FARS2: variants seen among roughly 807,000 people sequenced by gnomAD.
FARS2 encodes the protein phenylalanine--tRNA ligase, mitochondrial.
A neutral mutation model predicts 46.4 loss-of-function variants in FARS2; 40 were observed. The observed-to-expected ratio is 0.86, with a 90% CI of 0.67 to 1.12. FARS2 has a LOEUF of 1.12. Ranked by LOEUF, FARS2 falls within the 50% of genes most tolerant of loss-of-function variation. The pLI, the probability that FARS2 is intolerant of heterozygous loss-of-function variation, is 0.00. For synonymous variants in FARS2, 234 were observed against 214.9 expected (o/e 1.09, Z -0.78); for missense variants, 513 against 567.9 (o/e 0.90, Z 0.98).
intron 6 of FARS2, among the ~76,000 whole-genome samples, chr6:5,712,695 G>A (rs1759253181): frequency 6.6e-6 from 1 of 152,222 alleles, no homozygotes; most frequent in Non-Finnish European, 1.5e-5. Context: ...TTCTGCTGCA[G>A]CACCTGCCTG....
chr6:5,356,570 A>G (rs1757945124), intron 1 of FARS2, among the ~76,000 whole-genome samples: 1 of 152,254 alleles, frequency 6.6e-6, no homozygotes, highest in East Asian at 1.9e-4. Context: ...CAGAGAAAAC[A>G]TGTATGTTAA....
intron 4 of FARS2, among the ~76,000 whole-genome samples, chr6:5,472,205 G>A (rs1441418430): frequency 6.6e-6 from 1 of 152,164 alleles, no homozygotes; most frequent in Non-Finnish European, 1.5e-5. Flanking sequence ...TGGAGCCTGT[G>A]GGCCGCATGT....
At chr6:5,405,392 C>T (rs2432775) in intron 3 of FARS2, among the ~76,000 whole-genome samples, 1 of 150,950 alleles carries the variant, frequency 6.6e-6, no homozygotes, top group South Asian at 2.1e-4. Flanking sequence ...TTAGGTCAGT[C>T]TCATCAATGG....
At chr6:5,732,195 A>G (rs1760670964) in intron 6 of FARS2, among the ~76,000 whole-genome samples, 1 of 152,240 alleles carries the variant, frequency 6.6e-6, no homozygotes, top group African/African-American at 2.4e-5. Flanking sequence ...CACAAAAGTG[A>G]ATGAACAGTC....
chr6:5,541,482 T>C (rs1369832435), intron 4 of FARS2, among the ~76,000 whole-genome samples: 1 of 152,246 alleles, frequency 6.6e-6, no homozygotes, highest in African/African-American at 2.4e-5. Flanking sequence ...CAATCTGTTA[T>C]CTGTCTCTAT....
At chr6:5,428,088 T>C (rs979007232) in intron 3 of FARS2, among the ~76,000 whole-genome samples, 1 of 152,228 alleles carries the variant, frequency 6.6e-6, no homozygotes, top group Non-Finnish European at 1.5e-5. Flanking sequence ...GAGACGCGGC[T>C]TCCTATGAGA....
At chr6:5,613,484 G>A (rs958114506) in intron 6 of FARS2, among the ~76,000 whole-genome samples, 164 bp downstream of exon 6, 16 of 152,124 alleles carry the variant, frequency 1.1e-4, no homozygotes, top group African/African-American at 2.7e-4. Flanking sequence ...GATATCAGTC[G>A]TCTCTGAAAA....
At chr6:5,644,512 CTGT>C (rs1776980200) in intron 6 of FARS2, among the ~76,000 whole-genome samples, 1 of 152,112 alleles carries the variant, frequency 6.6e-6, no homozygotes, top group African/African-American at 2.4e-5. Flanking sequence ...CGTGCCTGGC[CTGT>C]TGTTTCCTTT....
chr6:5,652,616 C>T (rs1350802476), intron 6 of FARS2, among the ~76,000 whole-genome samples: 5 of 152,248 alleles, frequency 3.3e-5, no homozygotes, highest in African/African-American at 9.6e-5. Context: ...TCATTTCTCG[C>T]TTGCCAACTT....
At chr6:5,463,728 A>C (rs561912617) in intron 4 of FARS2, among the ~76,000 whole-genome samples, 2 of 152,258 alleles carry the variant, frequency 1.3e-5, no homozygotes, top group South Asian at 2.1e-4. Flanking sequence ...GGATTAAAGC[A>C]CATAGCACAT....
chr6:5,523,887 T>C (rs1462974694), intron 4 of FARS2, among the ~76,000 whole-genome samples: 1 of 152,186 alleles, frequency 6.6e-6, no homozygotes, highest in Non-Finnish European at 1.5e-5. Context: ...CAAATCCCCC[T>C]ACTTCTTTGA....
At chr6:5,332,451 A>G (rs1770862837) in intron 1 of FARS2, among the ~76,000 whole-genome samples, 1 of 152,266 alleles carries the variant, frequency 6.6e-6, no homozygotes, top group Non-Finnish European at 1.5e-5. Flanking sequence ...GCAGAGCCAT[A>G]GAAAGGCTAA....
intron 4 of FARS2, among the ~76,000 whole-genome samples, chr6:5,534,844 T>TACACACTTGCACACGCACACAC (rs1561692379): frequency 2.7e-5 from 4 of 150,632 alleles, no homozygotes; most frequent in Non-Finnish European, 5.9e-5. Flanking sequence ...CACGCACGCA[T>TACACACTTGCACACGCACACAC]ACACACTTGC....
chr6:5,577,032 C>T (rs1173254646), intron 5 of FARS2, among the ~76,000 whole-genome samples: 2 of 151,814 alleles, frequency 1.3e-5, no homozygotes, highest in Non-Finnish European at 2.9e-5. Flanking sequence ...TGGAAATGTG[C>T]GTTATGATTT....
intron 5 of FARS2, among the ~76,000 whole-genome samples, chr6:5,561,851 C>T (rs962555520): frequency 1.3e-5 from 2 of 151,884 alleles, no homozygotes; most frequent in African/African-American, 4.8e-5. Flanking sequence ...ATTTCTTTGT[C>T]TTGTATTGGT....
At chr6:5,715,963 C>T (rs1759468769) in intron 6 of FARS2, among the ~76,000 whole-genome samples, 1 of 152,202 alleles carries the variant, frequency 6.6e-6, no homozygotes, top group Non-Finnish European at 1.5e-5. Flanking sequence ...TCCACATCCT[C>T]ACCAACACTT....
At chr6:5,326,045 A>G (rs771557306) in intron 1 of FARS2, among the ~76,000 whole-genome samples, 8 of 152,224 alleles carry the variant, frequency 5.3e-5, no homozygotes, top group African/African-American at 1.4e-4. Flanking sequence ...GTTTATGACA[A>G]TGTTTGGCAA....
intron 5 of FARS2, among the ~76,000 whole-genome samples, chr6:5,578,818 A>AC (rs1773150306): frequency 1.8e-4 from 10 of 55,396 alleles, no homozygotes; most frequent in African/African-American, 5.2e-4. Flanking sequence ...CAAAAAAAAA[A>AC]AAAAAAAAAA....
intron 2 of FARS2, among the ~76,000 whole-genome samples, chr6:5,402,999 C>G (rs183975931): frequency 2.4e-4 from 37 of 152,118 alleles, no homozygotes; most frequent in Middle Eastern, 3.4e-3. Flanking sequence ...AGTTCTGTCC[C>G]TAGGTTTTGA....
Sources: gnomAD v4.1 joint callset for allele counts (sites outside exome capture counted in the v4.1 genomes callset) on GRCh38, gnomAD v4.1.1 for gene constraint, MANE v1.5 for transcripts, NCBI Gene and HGNC (gene_info 2026-07-23, HGNC 2026-07-21) for gene names.